Variants in GLT1D1 observed in about 807,000 individuals in gnomAD.
The protein encoded by GLT1D1 is glycosyltransferase 1 domain-containing protein 1.
Under a neutral mutation model 28.7 loss-of-function variants are expected in GLT1D1, and 21 were observed. The ratio of observed to expected loss-of-function variants is 0.73; its 90% confidence interval spans 0.52 to 1.05. The LOEUF (loss-of-function observed/expected upper bound fraction) is 1.05. GLT1D1 is among the 50% of genes least tolerant of loss of function. The pLI is 0.00. For missense variants in GLT1D1, 343 were observed against 330.6 expected (o/e 1.04, Z -0.29); for synonymous variants, 147 against 124.8 (o/e 1.18, Z -1.19).
At chr12:128,968,649 C>G (rs111482514) in intron 7 of GLT1D1, among the ~76,000 whole-genome samples, 11 of 151,932 alleles carry the variant, frequency 7.2e-5, no homozygotes, top group Admixed American at 2.0e-4. Flanking sequence ...GGTGACAGTG[C>G]GAGACATCGT....
At chr12:128,873,150 C>T (rs955934599) in intron 1 of GLT1D1, among the ~76,000 whole-genome samples, 2 of 152,188 alleles carry the variant, frequency 1.3e-5, no homozygotes, top group African/African-American at 4.8e-5. Context: ...CCGACCTCTG[C>T]CTCCCAAAGT....
Position 128,876,061 on chromosome 12 carries a change from A to G in GLT1D1, c.216A>G (p.Gln72=). ...TCTATAGGGGAGGCAGGCTTTTGCA[A>G]GGTAATCCTCTTTTTCTTCAAAAGT... The change falls in exon 2 of 8, where the codon CAA becomes CAG. Residue 72 remains glutamine, a splice_region_variant and synonymous_variant. Coordinates refer to ENST00000281703, the MANE Select transcript of GLT1D1 (RefSeq NM_144669.3). 1 of 1,600,096 alleles carries G rather than the reference A, an allele frequency of 6.2e-7. No homozygotes were observed. The highest frequency in any genetic ancestry group is 8.5e-7 in the Non-Finnish European group (1 of 1,174,908).
At chr12:128,897,210 C>A (rs528474561) in intron 3 of GLT1D1, among the ~76,000 whole-genome samples, 8 of 152,248 alleles carry the variant, frequency 5.3e-5, no homozygotes, top group African/African-American at 1.9e-4. Context: ...ACGTGAACAT[C>A]CCATTTTTCC....
At chr12:128,936,719 T>C (rs1212960558) in intron 4 of GLT1D1, among the ~76,000 whole-genome samples, 1 of 152,196 alleles carries the variant, frequency 6.6e-6, no homozygotes, top group Non-Finnish European at 1.5e-5. Context: ...ACTTCTTATA[T>C]CGAAGATTAC....
At chr12:128,898,818 C>T (rs565153112) in intron 3 of GLT1D1, among the ~76,000 whole-genome samples, 1 of 152,304 alleles carries the variant, frequency 6.6e-6, no homozygotes, top group South Asian at 2.1e-4. Flanking sequence ...CAGTGAGCAC[C>T]CATGTGCATT....
At chr12:128,982,677 C>T (rs907487426) in intron 7 of GLT1D1, among the ~76,000 whole-genome samples, 4 of 151,698 alleles carry the variant, frequency 2.6e-5, no homozygotes, top group East Asian at 1.9e-4. Context: ...CATATGTGTG[C>T]GTGTGTGTGC....
intron 4 of GLT1D1, among the ~76,000 whole-genome samples, chr12:128,924,080 C>T (rs1257209584): frequency 6.6e-6 from 1 of 152,128 alleles, no homozygotes; most frequent in African/African-American, 2.4e-5. Flanking sequence ...CTGGGTCCTG[C>T]ATGAGCTCAT....
intron 1 of GLT1D1, among the ~76,000 whole-genome samples, chr12:128,871,955 T>G (rs940899501): frequency 2.0e-5 from 3 of 152,064 alleles, no homozygotes; most frequent in African/African-American, 7.2e-5. Flanking sequence ...TATTTTTATT[T>G]ATTTATTTAT....
intron 4 of GLT1D1, among the ~76,000 whole-genome samples, chr12:128,927,727 C>A (rs1387733701): frequency 2.0e-5 from 3 of 151,750 alleles, no homozygotes; most frequent in African/African-American, 4.8e-5. Context: ...GCTGGGCGCA[C>A]TGGCTCACGC....
chr12:128,945,369 G>C lies in GLT1D1; in HGVS notation c.419G>C (p.Arg140Thr). 1 of 1,613,218 alleles carries C rather than the reference G, an allele frequency of 6.2e-7. No homozygotes were observed. The highest frequency in any genetic ancestry group is 8.5e-7 in the Non-Finnish European group (1 of 1,179,102). The change falls in exon 5 of 8, where the codon AGA becomes ACA. Residue 140 changes from arginine (R) to threonine (T), a missense_variant and splice_region_variant. By Grantham distance (71) the Arg-to-Thr change is moderately conservative. Transcript: ENST00000281703. ...AGGGAAGTGAAAGCCAAAGTGAAAA[G>C]GTAAGAGTTGGTGGAGACCAGTCAT...
At chr12:128,966,265 C>G (rs11060047) in intron 7 of GLT1D1, among the ~76,000 whole-genome samples, 11,218 of 152,264 alleles carry the variant, frequency 0.074, 696 homozygotes, top group African/African-American at 0.17. Flanking sequence ...AGCATCCCTG[C>G]CTGAAATGCC....
chr12:128,855,022 C>A (rs1435660395), intron 1 of GLT1D1, among the ~76,000 whole-genome samples: 2 of 151,992 alleles, frequency 1.3e-5, no homozygotes, highest in Non-Finnish European at 2.9e-5. Context: ...GTTCCTGGCT[C>A]TGTTGGATGA....
At chr12:128,892,691 A>G (rs1869193871) in intron 3 of GLT1D1, among the ~76,000 whole-genome samples, 1 of 152,180 alleles carries the variant, frequency 6.6e-6, no homozygotes, top group Admixed American at 6.5e-5. Flanking sequence ...TAGCTTTATA[A>G]TGAGTATTTC....
At chr12:128,962,852 C>T (rs928041920) in intron 7 of GLT1D1, among the ~76,000 whole-genome samples, 1 of 152,048 alleles carries the variant, frequency 6.6e-6, no homozygotes, top group Non-Finnish European at 1.5e-5. Context: ...CAGGTGTGCG[C>T]CACCATGCCC....
chr12:128,931,090 C>T (rs1416970951), intron 4 of GLT1D1, among the ~76,000 whole-genome samples: 1 of 151,838 alleles, frequency 6.6e-6, no homozygotes, highest in East Asian at 1.9e-4. Flanking sequence ...CAACCTCCGC[C>T]TCATGGGTTC....
intron 4 of GLT1D1, among the ~76,000 whole-genome samples, chr12:128,923,950 T>G (rs1346819173): frequency 6.6e-6 from 1 of 151,016 alleles, no homozygotes; most frequent in African/African-American, 2.4e-5. Context: ...AAAAAAAAAA[T>G]GCACCAGCTG....
At chr12:128,974,209 C>T (rs1034453241) in intron 7 of GLT1D1, among the ~76,000 whole-genome samples, 1 of 152,152 alleles carries the variant, frequency 6.6e-6, no homozygotes, top group Non-Finnish European at 1.5e-5. Context: ...TCGGGACCCA[C>T]CTGCCAGCTC....
chr12:128,939,844 C>CCT lies in GLT1D1; in HGVS notation c.376-5481_376-5480insTC, dbSNP rs959377982. 3.2e-4 allele frequency among the ~76,000 whole-genome samples: 46 copies of CCT among 145,326 alleles called. 3 individuals carry two copies. Among genetic ancestry groups the CCT allele is most frequent in the Admixed American group, 1.8e-3 (26 of 14,726 alleles). ...GTTGCCAAATTGTTAGAAACCCCCC[C>CCT]CCACCGCCGATCCAATCACCTCCTA... On this transcript the variant is annotated intron_variant, in intron 4 of 7. Transcript: ENST00000281703.
chr12:128,923,183 C>A (rs1237155231), intron 4 of GLT1D1, among the ~76,000 whole-genome samples: 1 of 152,006 alleles, frequency 6.6e-6, no homozygotes, highest in Non-Finnish European at 1.5e-5. Context: ...TATTCTTGTT[C>A]AAGATTTGGA....
Sources: gnomAD v4.1 joint callset for allele counts (sites outside exome capture counted in the v4.1 genomes callset) on GRCh38, gnomAD v4.1.1 for gene constraint, MANE v1.5 for transcripts, NCBI Gene and HGNC (gene_info 2026-07-23, HGNC 2026-07-21) for gene names.